STOM: variants seen among roughly 807,000 people sequenced by gnomAD.
STOM encodes stomatin, also known as erythrocyte band 7 integral membrane protein.
A neutral mutation model predicts 30.6 loss-of-function variants in STOM; 25 were observed. That is an observed-to-expected ratio of 0.82 (90% CI 0.60 to 1.14). STOM has a LOEUF of 1.14. Among genes scored for constraint, STOM ranks in the 50% most tolerant of loss-of-function variants. STOM has a pLI of 0.00. For missense variants in STOM, 292 were observed against 365.2 expected, an observed-to-expected ratio of 0.80 and a Z score of 1.63; for synonymous variants, 118 against 130.8, an observed-to-expected ratio of 0.90 and a Z score of 0.67.
chr9:121,367,526 T>A (rs1027862295), intron 1 of STOM, among the ~76,000 whole-genome samples: 18 of 152,224 alleles, frequency 1.2e-4, no homozygotes, highest in African/African-American at 4.1e-4. Context: ...ACAACTGAAA[T>A]AAACAATCAG....
At chr9:121,359,473 A>G (rs2064429549) in intron 1 of STOM, among the ~76,000 whole-genome samples, 1 of 152,168 alleles carries the variant, frequency 6.6e-6, no homozygotes, top group African/African-American at 2.4e-5. Context: ...ATATTCATTG[A>G]GAGAATATTC....
chr9:121,348,685 A>C (rs183920952), intron 5 of STOM, among the ~76,000 whole-genome samples: 112 of 152,330 alleles, frequency 7.4e-4, no homozygotes, highest in African/African-American at 2.5e-3. Context: ...GTCTATACAA[A>C]TAATAAGAAT....
intron 2 of STOM, 82 bp from the exon 3 acceptor site, chr9:121,354,755 TCTA>T: frequency 9.6e-7 from 1 of 1,043,100 alleles, no homozygotes; most frequent in Non-Finnish European, 1.4e-6. Context: ...ATATTTCTGC[TCTA>T]AACAGATTAG....
In STOM at chr9:121,356,074, G is replaced by A. The variant is rs368376420; in HGVS notation, c.144C>T (p.Ile48=). The change falls in exon 2 of 7, where the codon ATC becomes ATT. Residue 48 remains isoleucine (I), a synonymous_variant. Transcript: ENST00000286713. ...TTACCTTTATGCACATCCATATTGA[G>A]ATTGGGAAAGTTATAACGGTGAATA... The part of the protein sequence containing the change: ...SFLFTVITFP[I]SIWMCIKIIK... 6.2e-7 allele frequency: 1 copy of A among 1,613,958 alleles called. No homozygotes were observed. Among genetic ancestry groups the A allele is most frequent in the Non-Finnish European group, 8.5e-7 (1 of 1,179,972 alleles).
intron 4 of STOM, 73 bp from the exon 5 acceptor site, chr9:121,349,396 T>C: frequency 3.0e-6 from 4 of 1,337,376 alleles, no homozygotes; most frequent in Non-Finnish European, 4.3e-6. Context: ...AATGTTATTC[T>C]ACAGAATATC....
At chr9:121,348,433 AG>A (rs1372936948) in intron 5 of STOM, among the ~76,000 whole-genome samples, 3 of 152,220 alleles carry the variant, frequency 2.0e-5, no homozygotes, top group African/African-American at 7.2e-5. Context: ...TGTAGTCAAA[AG>A]CAGCCATGGA....
At chr9:121,346,638 G>A (rs565328139) in intron 6 of STOM, among the ~76,000 whole-genome samples, 15 of 152,222 alleles carry the variant, frequency 9.9e-5, no homozygotes, top group East Asian at 3.9e-4. Context: ...TAATAACATC[G>A]TAAACATAAT....
At chr9:121,345,806 C>T (rs898389978) in intron 6 of STOM, among the ~76,000 whole-genome samples, 1 of 152,114 alleles carries the variant, frequency 6.6e-6, no homozygotes, top group African/African-American at 2.4e-5. Context: ...CATAGCCCAT[C>T]CTGGGAAGTC....
At chr9:121,342,959 T>C (rs907903907) in intron 6 of STOM, among the ~76,000 whole-genome samples, 4 of 152,088 alleles carry the variant, frequency 2.6e-5, no homozygotes, top group African/African-American at 9.7e-5. Context: ...CTCAGAGAGG[T>C]TACTGAACAT....
At position 121,340,882 on chromosome 9, in the gene STOM, G is replaced by A. The variant is rs1174756467; in HGVS notation, c.*320C>T. ...GTGTCAGGTGGCAGTTACAGCCCAG[G>A]TTCTTGCCTCTGGCCTGGGTGCTTA... On this transcript the variant is annotated 3_prime_UTR_variant, in exon 7 of 7. Transcript: ENST00000286713. 2 of 1,163,668 alleles carry A rather than the reference G, an allele frequency of 1.7e-6. No homozygotes were observed. Among genetic ancestry groups the A allele is most frequent in the African/African-American group, 1.6e-5 (1 of 63,236 alleles). 72.1% of individuals were successfully genotyped at this position (1,163,668 alleles called of 1,614,324 possible).
At chr9:121,343,384 A>T (rs1053427536) in intron 6 of STOM, among the ~76,000 whole-genome samples, 2 of 152,184 alleles carry the variant, frequency 1.3e-5, no homozygotes, top group African/African-American at 4.8e-5. Context: ...AGCCCTGTGT[A>T]GGAAAAGCTA....
At chr9:121,368,389 G>A (rs979856821) in intron 1 of STOM, among the ~76,000 whole-genome samples, 2 of 152,272 alleles carry the variant, frequency 1.3e-5, no homozygotes, top group South Asian at 4.1e-4. Context: ...CCACCAGGAG[G>A]TCAGGGTATT....
rs747656597 is a variant in STOM, at chr9:121,370,143, G to T, written c.45C>A (p.Leu15=). The change falls in exon 1 of 7, where the codon CTC becomes CTA. Residue 15 remains leucine (L), a synonymous_variant. Transcript: ENST00000286713. Reference sequence around the variant, plus strand: ...GGGACTCACCCTTGAAGGAGTCGGGGAGCCGCTGGGCTTCGGAGTCCCGTG... The same window carrying T: ...GGGACTCACCCTTGAAGGAGTCGGGTAGCCGCTGGGCTTCGGAGTCCCGTG... ...RHTRDSEAQR[L]PDSFKDSPSK... The T allele has an allele frequency of 1.2e-5, 18 of 1,546,370 alleles. No homozygotes were observed. Among genetic ancestry groups the T allele is most frequent in the Non-Finnish European group, 1.6e-5 (18 of 1,146,524 alleles).
At chr9:121,356,849 G>C (rs1439698135) in intron 1 of STOM, among the ~76,000 whole-genome samples, 1 of 152,152 alleles carries the variant, frequency 6.6e-6, no homozygotes, top group Non-Finnish European at 1.5e-5. Flanking sequence ...TAGGCGTTGT[G>C]GTGAGTGCCT....
chr9:121,363,731 G>A (rs973340838), intron 1 of STOM, among the ~76,000 whole-genome samples: 9 of 152,218 alleles, frequency 5.9e-5, no homozygotes, highest in African/African-American at 1.7e-4. Context: ...ACAATGGGCT[G>A]TTACACGCTG....
At position 121,341,251 on chromosome 9, in the gene STOM, A is replaced by G. The variant is rs745966245; in HGVS notation, c.818T>C (p.Ile273Thr). 2 of 1,614,144 alleles carry G rather than the reference A, an allele frequency of 1.2e-6. No individual in the cohort carries two copies. Among genetic ancestry groups the G allele is most frequent in the Non-Finnish European group, 1.7e-6 (2 of 1,180,032 alleles). Residue 273 changes from isoleucine to threonine, a missense_variant, in exon 7 of 7, where the codon ATA (isoleucine) becomes ACA (threonine). Coordinates refer to ENST00000286713, the MANE Select transcript of STOM (RefSeq NM_004099.6). ...KNSTIVFPLP[I>T]DMLQGIIGAK... Reference sequence around the variant, plus strand: ...CCCTATGATTCCTTGCAGCATATCTATGGGCAGAGGGAAGACAATTGTTGA... The same window carrying G: ...CCCTATGATTCCTTGCAGCATATCTGTGGGCAGAGGGAAGACAATTGTTGA...
chr9:121,341,142 G>A lies in STOM; in HGVS notation c.*60C>T. 6.2e-7 allele frequency: 1 copy of A among 1,608,362 alleles called. No individual in the cohort carries two copies. The highest frequency in any genetic ancestry group is 1.1e-5 in the South Asian group (1 of 90,852). ...AAGAAAAGCCCTACCCTCTCTTTAT[G>A]AGTTAAAGGCTAATTTGGTCCCCGA... On this transcript the variant is annotated 3_prime_UTR_variant, in exon 7 of 7. Transcript: ENST00000286713.
intron 1 of STOM, among the ~76,000 whole-genome samples, chr9:121,366,481 T>G (rs1390661657): frequency 6.6e-6 from 1 of 152,148 alleles, no homozygotes; most frequent in Non-Finnish European, 1.5e-5. Context: ...TATATTATCT[T>G]GGCAATTATA....
At position 121,339,495 on chromosome 9, in the gene STOM, C is replaced by T. The variant is rs975517858; in HGVS notation, c.*1707G>A. 1 of 1,216,016 alleles carries T rather than the reference C, an allele frequency of 8.2e-7. No individual in the cohort carries two copies. The highest frequency in any genetic ancestry group is 1.6e-5 in the African/African-American group (1 of 64,010). 75.3% of individuals were successfully genotyped at this position (1,216,016 alleles called of 1,614,324 possible). A position where few individuals can be genotyped will look rare whatever the true frequency, so the allele number is the denominator to read the frequency against. On this transcript the variant is annotated 3_prime_UTR_variant, in exon 7 of 7. Coordinates refer to ENST00000286713, the MANE Select transcript of STOM (RefSeq NM_004099.6). ...GTAGTTCAAGGCTTCCTAAAATAAG[C>T]TTGAAATTGGGGTACAGGGGAAGGG...
Sources: allele counts gnomAD v4.1 joint callset (sites outside exome capture counted in the v4.1 genomes callset), GRCh38; gene constraint gnomAD v4.1.1; transcripts MANE v1.5; gene names NCBI Gene and HGNC (gene_info 2026-07-23, HGNC 2026-07-21).